PRKCH: variants seen among roughly 807,000 people sequenced by gnomAD.
PRKCH encodes protein kinase C eta.
PRKCH carries 28 observed loss-of-function variants against 82.5 expected under a neutral mutation model. That is an observed-to-expected ratio of 0.34 (90% CI 0.25 to 0.47). The LOEUF is 0.47. Among genes scored for constraint, PRKCH ranks in the 20% least tolerant of loss-of-function variants. The pLI is 1.00. For synonymous variants in PRKCH, 322 were observed against 327.4 expected (o/e 0.98, Z 0.18); for missense variants, 705 against 881.8 (o/e 0.80, Z 2.54).
chr14:61,260,998 T>C (rs2045039092), intron 1 of PRKCH, among the ~76,000 whole-genome samples: 1 of 152,180 alleles, frequency 6.6e-6, no homozygotes, highest in Non-Finnish European at 1.5e-5. Flanking sequence ...TAATTATCTT[T>C]AAGTTGTTGT....
intron 5 of PRKCH, among the ~76,000 whole-genome samples, chr14:61,450,281 G>A (rs1884443381): frequency 6.6e-6 from 1 of 152,202 alleles, no homozygotes; most frequent in Non-Finnish European, 1.5e-5. Context: ...GCTGGAAACT[G>A]AGATTTAACT....
At chr14:61,455,368 GATAA>G (rs1566892330) in intron 7 of PRKCH, among the ~76,000 whole-genome samples, 1 of 151,944 alleles carries the variant, frequency 6.6e-6, no homozygotes, top group Non-Finnish European at 1.5e-5. Context: ...TTGCCACTAC[GATAA>G]ATGTTTTAAT....
At chr14:61,250,012 C>A (rs376147211) in intron 1 of PRKCH, among the ~76,000 whole-genome samples, 6 of 151,028 alleles carry the variant, frequency 4.0e-5, no homozygotes, top group Admixed American at 2.0e-4. Context: ...GTAATCCCAG[C>A]ACTTTGGGAG....
At position 61,196,565 on chromosome 14, in the gene PRKCH, A is replaced by G. The variant is rs959785525; in HGVS notation, c.-19+8897A>G. On this transcript the variant is annotated intron_variant, in intron 1 of 3. Coordinates refer to the PRKCH transcript ENST00000555185. ...AGCAGATTACATTAAAACTAAAAGTAATTTTAGTTGACAGGACTATAAAAG... is the reference window on the plus strand; with the variant it reads ...AGCAGATTACATTAAAACTAAAAGTGATTTTAGTTGACAGGACTATAAAAG... Among the ~76,000 whole-genome samples, 4 of 152,356 alleles carry G rather than the reference A, an allele frequency of 2.6e-5. No individual in the cohort carries two copies. The East Asian group carries it at 7.7e-4, about 29-fold the overall frequency.
chr14:61,226,395 C>T (rs180718355), intron 1 of PRKCH, among the ~76,000 whole-genome samples: 222 of 152,330 alleles, frequency 1.5e-3, no homozygotes, highest in African/African-American at 4.9e-3. Flanking sequence ...ATTTCTCTAA[C>T]ACAAACTACC....
At chr14:61,399,345 C>T (rs954297663) in intron 2 of PRKCH, among the ~76,000 whole-genome samples, 1 of 152,164 alleles carries the variant, frequency 6.6e-6, no homozygotes, top group Non-Finnish European at 1.5e-5. Context: ...CAAAATGATG[C>T]TTGAACTTGA....
intron 1 of PRKCH, among the ~76,000 whole-genome samples, chr14:61,376,776 A>T (rs778761450): frequency 1.3e-5 from 2 of 152,232 alleles, no homozygotes; most frequent in Non-Finnish European, 2.9e-5. Context: ...ATGAAATTTC[A>T]GTTCTTAACT....
At chr14:61,292,865 G>T (rs2045376266) in intron 1 of PRKCH, among the ~76,000 whole-genome samples, 1 of 150,110 alleles carries the variant, frequency 6.7e-6, no homozygotes, top group Admixed American at 6.6e-5. Flanking sequence ...AGTATCACTT[G>T]AGGCCAGGAG....
At chr14:61,193,306 T>A (rs2044419478) in intron 1 of PRKCH, among the ~76,000 whole-genome samples, 1 of 152,208 alleles carries the variant, frequency 6.6e-6, no homozygotes, top group Admixed American at 6.5e-5. Flanking sequence ...GCAGCAAGAA[T>A]GTAACAGATT....
At chr14:61,362,992 C>T (rs144186979) in intron 1 of PRKCH, among the ~76,000 whole-genome samples, 45 of 152,298 alleles carry the variant, frequency 3.0e-4, no homozygotes, top group Middle Eastern at 3.4e-3. Context: ...GTCGCCTAGA[C>T]GGAGTCTTGA....
intron 10 of PRKCH, among the ~76,000 whole-genome samples, chr14:61,493,384 G>A (rs1194338350): frequency 6.6e-6 from 1 of 152,166 alleles, no homozygotes; most frequent in Non-Finnish European, 1.5e-5. Flanking sequence ...AGTAAGAAGG[G>A]CTAGAGGGCA....
rs1234166088 is a variant in PRKCH, at chr14:61,378,202, CT to C, written c.364-13014del. Among the ~76,000 whole-genome samples the C allele has an allele frequency of 2.7e-5, 4 of 147,082 alleles. No homozygotes were observed. In the South Asian group the frequency reaches 6.3e-4, roughly 23 times the overall value. ...CCCAGTGATTGCTCCTCTCCTAGGG[CT>C]TTTTTTTTCTTTTTCTTTTTCTTTT... On this transcript the variant is annotated intron_variant, in intron 1 of 13. Coordinates refer to ENST00000332981, the MANE Select transcript of PRKCH (RefSeq NM_006255.5).
intron 1 of PRKCH, among the ~76,000 whole-genome samples, chr14:61,204,119 G>A (rs913398937): frequency 6.6e-6 from 1 of 151,930 alleles, no homozygotes; most frequent in Non-Finnish European, 1.5e-5. Flanking sequence ...TCCTCCCTTG[G>A]CAACCAGAGC....
intron 2 of PRKCH, among the ~76,000 whole-genome samples, chr14:61,426,553 T>C (rs371560624): frequency 1.5e-4 from 23 of 152,334 alleles, no homozygotes; most frequent in African/African-American, 5.1e-4. Flanking sequence ...GTAATTTCTC[T>C]TTAGTCTTGG....
chr14:61,503,002 T>C (rs1355093276), intron 10 of PRKCH, among the ~76,000 whole-genome samples: 1 of 1,310 alleles, frequency 7.6e-4, no homozygotes, highest in Non-Finnish European at 4.4e-3. Flanking sequence ...GGAAGCAGGC[T>C]TTTTTTTTTT....
At chr14:61,302,552 C>T (rs938625972) in intron 1 of PRKCH, among the ~76,000 whole-genome samples, 3 of 152,172 alleles carry the variant, frequency 2.0e-5, no homozygotes, top group African/African-American at 7.2e-5. Flanking sequence ...GACCTGCTGT[C>T]TATGGAACAT....
intron 1 of PRKCH, among the ~76,000 whole-genome samples, chr14:61,227,551 C>T (rs2044706851): frequency 6.6e-6 from 1 of 152,190 alleles, no homozygotes; most frequent in Non-Finnish European, 1.5e-5. Context: ...CAGAGATGCG[C>T]CACTGCACTC....
At chr14:61,498,210 C>T (rs549031807) in intron 10 of PRKCH, among the ~76,000 whole-genome samples, 1 of 152,166 alleles carries the variant, frequency 6.6e-6, no homozygotes, top group Admixed American at 6.5e-5. Context: ...GACGGGGTTT[C>T]ACCATGTTGG....
intron 2 of PRKCH, among the ~76,000 whole-genome samples, chr14:61,412,042 G>T (rs1882294602): frequency 1.3e-5 from 2 of 152,080 alleles, no homozygotes; most frequent in Non-Finnish European, 2.9e-5. Flanking sequence ...GATCTGATAG[G>T]GCCGAACTAT....
Sources: allele counts gnomAD v4.1 joint callset (sites outside exome capture counted in the v4.1 genomes callset), GRCh38; gene constraint gnomAD v4.1.1; transcripts MANE v1.5; gene names NCBI Gene and HGNC (gene_info 2026-07-23, HGNC 2026-07-21).